The following ADAM18 variants were observed in gnomAD, a reference collection of about 807,000 sequenced individuals.
ADAM18 encodes disintegrin and metalloproteinase domain-containing protein 18.
ADAM18 carries 117 observed loss-of-function variants against 94.4 expected under a neutral mutation model. That is an observed-to-expected ratio of 1.24 (90% CI 1.07 to 1.45). The LOEUF (loss-of-function observed/expected upper bound fraction) is 1.45, where lower values mean the gene tolerates loss of function less well. Among genes scored for constraint, ADAM18 ranks in the 40% most tolerant of loss-of-function variants. The probability of loss-of-function intolerance (pLI) is 0.00; values close to 1 mark genes in which losing one functional copy is unlikely to be tolerated. For synonymous variants in ADAM18, 327 were observed against 291.6 expected, an observed-to-expected ratio of 1.12 and a Z score of -1.24; for missense variants, 936 against 880.0, an observed-to-expected ratio of 1.06 and a Z score of -0.81.
chr8:39,663,939 G>A (rs754256610), intron 13 of ADAM18, 49 bp downstream of exon 13: 30 of 1,244,176 alleles, frequency 2.4e-5, no homozygotes, highest in East Asian at 9.3e-5. Flanking sequence ...GGTAAGAGAC[G>A]TCTGTATTAA....
chr8:39,612,514 C>A (rs946183931), intron 6 of ADAM18, among the ~76,000 whole-genome samples: 1 of 152,068 alleles, frequency 6.6e-6, no homozygotes, highest in Non-Finnish European at 1.5e-5. Flanking sequence ...GGGACAGGAC[C>A]CCAGCCTGTG....
intron 17 of ADAM18, among the ~76,000 whole-genome samples, chr8:39,694,391 T>C (rs1452433273): frequency 1.3e-5 from 2 of 151,504 alleles, no homozygotes; most frequent in African/African-American, 4.8e-5. Context: ...TTATTGATTT[T>C]TAAAATAGTA....
At chr8:39,701,117 CAAAAAAAAA>C (rs71237188) in intron 17 of ADAM18, among the ~76,000 whole-genome samples, 655 of 34,506 alleles carry the variant, frequency 0.019, 9 homozygotes, top group African/African-American at 0.064. Flanking sequence ...GACTCTGTCT[CAAAAAAAAA>C]AAAAAAAAAA....
At chr8:39,697,186 T>G (rs920390209) in intron 17 of ADAM18, among the ~76,000 whole-genome samples, 4 of 151,564 alleles carry the variant, frequency 2.6e-5, no homozygotes, top group East Asian at 3.8e-4. Context: ...GCCAGTGTAT[T>G]AAAATGCAGC....
chr8:39,609,571 C>G lies in ADAM18; in HGVS notation c.344+10C>G. Reference sequence around the variant, plus strand: ...TATGTTCTGGTCTCAGGTAATAGCACCTTATAAGAAATCTATAGATGGAGA... The same window carrying G: ...TATGTTCTGGTCTCAGGTAATAGCAGCTTATAAGAAATCTATAGATGGAGA... On this transcript the variant is annotated intron_variant, in intron 5 of 19. Coordinates refer to ENST00000265707, the MANE Select transcript of ADAM18 (RefSeq NM_014237.3). The G allele has an allele frequency of 6.3e-7, 1 of 1,583,070 alleles. No homozygotes were observed. Among genetic ancestry groups the G allele is most frequent in the African/African-American group, 1.3e-5 (1 of 74,432 alleles).
intron 19 of ADAM18, among the ~76,000 whole-genome samples, chr8:39,729,042 TA>T (rs1823000771): frequency 6.6e-6 from 1 of 152,182 alleles, no homozygotes; most frequent in Non-Finnish European, 1.5e-5. Context: ...CTGCTTTTTT[TA>T]AAAAACATAT....
intron 12 of ADAM18, among the ~76,000 whole-genome samples, chr8:39,661,154 C>CTTTTTTTT (rs34697066): frequency 8.6e-6 from 1 of 116,780 alleles, no homozygotes; most frequent in Non-Finnish European, 1.7e-5. Context: ...TCTTCTTCTT[C>CTTTTTTTT]TTTTTTTTTT....
At chr8:39,593,875 A>G (rs1313730498) in intron 2 of ADAM18, among the ~76,000 whole-genome samples, 3 of 152,120 alleles carry the variant, frequency 2.0e-5, no homozygotes, top group Admixed American at 1.3e-4. Flanking sequence ...CTTCAATATT[A>G]TTGCTTTCAG....
intron 12 of ADAM18, among the ~76,000 whole-genome samples, chr8:39,661,556 A>T (rs1021632089): frequency 6.6e-6 from 1 of 151,716 alleles, no homozygotes; most frequent in African/African-American, 2.4e-5. Flanking sequence ...GTAATTTGTA[A>T]TATTCTTGTT....
At chr8:39,650,914 T>C (rs145786764) in intron 12 of ADAM18, among the ~76,000 whole-genome samples, 1 of 150,422 alleles carries the variant, frequency 6.6e-6, no homozygotes, top group African/African-American at 2.5e-5. Flanking sequence ...CCCAGGGGAC[T>C]GGTGCTCAGC....
intron 2 of ADAM18, among the ~76,000 whole-genome samples, chr8:39,605,549 C>G (rs1182281059): frequency 6.6e-6 from 1 of 151,936 alleles, no homozygotes; most frequent in African/African-American, 2.4e-5. Context: ...GTTACTGGTT[C>G]GTTATATTTT....
chr8:39,612,639 A>C (rs1024154859), intron 6 of ADAM18, among the ~76,000 whole-genome samples: 2 of 151,994 alleles, frequency 1.3e-5, no homozygotes, highest in African/African-American at 4.8e-5. Context: ...TGATTGTTGG[A>C]CCTGGACAAA....
intron 16 of ADAM18, among the ~76,000 whole-genome samples, chr8:39,682,115 C>T (rs1563304777): frequency 6.6e-6 from 1 of 151,986 alleles, no homozygotes; most frequent in East Asian, 1.9e-4. Context: ...TAATGTTCTA[C>T]AGTAAAAGGC....
chr8:39,727,727 T>C (rs1250036998), intron 19 of ADAM18, among the ~76,000 whole-genome samples: 1 of 152,178 alleles, frequency 6.6e-6, no homozygotes, highest in Non-Finnish European at 1.5e-5. Flanking sequence ...AAGTTCCAAA[T>C]GTTCCCTCAT....
At chr8:39,630,036 AT>A (rs1819890108) in intron 7 of ADAM18, among the ~76,000 whole-genome samples, 1 of 151,706 alleles carries the variant, frequency 6.6e-6, no homozygotes, top group Non-Finnish European at 1.5e-5. Context: ...TTCACTTGAT[AT>A]TTTCTCTTTT....
At chr8:39,585,607 G>C (rs139386590) in intron 2 of ADAM18, among the ~76,000 whole-genome samples, 85 of 152,060 alleles carry the variant, frequency 5.6e-4, no homozygotes, top group African/African-American at 2.0e-3. Flanking sequence ...AATCAAACTG[G>C]TGGGAAAAAG....
intron 2 of ADAM18, among the ~76,000 whole-genome samples, chr8:39,592,455 G>C (rs912903825): frequency 6.6e-6 from 1 of 152,004 alleles, no homozygotes; most frequent in African/African-American, 2.4e-5. Flanking sequence ...TCCACCAACA[G>C]TTCACTGGAT....
At chr8:39,692,123 A>G (rs1430069342) in intron 16 of ADAM18, among the ~76,000 whole-genome samples, 1 of 151,856 alleles carries the variant, frequency 6.6e-6, no homozygotes, top group East Asian at 1.9e-4. Context: ...CAAGAAATAA[A>G]TATTGTTCTT....
intron 11 of ADAM18, 75 bp downstream of exon 11, chr8:39,645,549 T>G: frequency 7.0e-7 from 1 of 1,433,994 alleles, no homozygotes; most frequent in Non-Finnish European, 9.4e-7. Flanking sequence ...GTTTTTAAAC[T>G]TTTATATTCG....
Sources: gnomAD v4.1 joint callset for allele counts (sites outside exome capture counted in the v4.1 genomes callset) on GRCh38, gnomAD v4.1.1 for gene constraint, MANE v1.5 for transcripts, NCBI Gene and HGNC (gene_info 2026-07-23, HGNC 2026-07-21) for gene names.